Variants in ERAP1 observed in about 807,000 individuals in gnomAD.
The protein encoded by ERAP1 is adipocyte-derived leucine aminopeptidase.
Under a neutral mutation model 103.7 loss-of-function variants are expected in ERAP1, and 86 were observed. The ratio of observed to expected loss-of-function variants is 0.83; its 90% CI spans 0.70 to 0.99. The LOEUF (loss-of-function observed/expected upper bound fraction) is 0.99. Among genes scored for constraint, ERAP1 ranks in the 50% least tolerant of loss-of-function variants. ERAP1 has a pLI of 0.00. For synonymous variants in ERAP1, 398 were observed against 402.4 expected (o/e 0.99, Z 0.13); for missense variants, 1,009 against 1,128.4 (o/e 0.89, Z 1.52).
At chr5:96,769,090 TAGAA>T (rs1771166464) in intron 19 of ERAP1, 1 of 152,222 alleles carries the variant, frequency 6.6e-6, no homozygotes, top group Non-Finnish European at 1.5e-5. Context: ...GTAAATCAAA[TAGAA>T]GGAAACGTGA....
intron 2 of ERAP1, among the ~76,000 whole-genome samples, 170 bp from the exon 3 acceptor site, chr5:96,801,170 T>G (rs1297416547): frequency 2.6e-5 from 4 of 152,226 alleles, no homozygotes; most frequent in Non-Finnish European, 4.4e-5. Context: ...CGAGTTACAC[T>G]GGGCATGGTC....
chr5:96,786,915 A>T (rs973987621), intron 11 of ERAP1, among the ~76,000 whole-genome samples: 1 of 152,218 alleles, frequency 6.6e-6, no homozygotes, highest in Non-Finnish European at 1.5e-5. Context: ...TGTCAATGAT[A>T]TGTAAGCTGA....
In ERAP1 at chr5:96,788,582, T is replaced by C; in HGVS notation, c.1628A>G (p.His543Arg). Residue 543 changes from histidine (H) to arginine (R), a missense_variant, in exon 11 of 19, where the codon CAC becomes CGC. Physicochemically the swap from His to Arg is conservative, Grantham distance 29. Transcript: ENST00000443439. ...CTTCATGTAGTGCTCTTGCTTCATG[T>C]GTACATTCCTCCCCCTCACTGTGAT... ...ITITVRGRNVHMKQEHYMKGS... is the reference protein window; with the variant it reads ...ITITVRGRNVRMKQEHYMKGS... 1 of 1,614,200 alleles carries C rather than the reference T, an allele frequency of 6.2e-7. No homozygotes were observed. The highest frequency in any genetic ancestry group is 8.5e-7 in the Non-Finnish European group (1 of 1,180,030).
chr5:96,784,663 T>C (rs1489348777), intron 13 of ERAP1: 2 of 156,044 alleles, frequency 1.3e-5, no homozygotes, highest in Non-Finnish European at 2.8e-5. Flanking sequence ...AACACTGGAT[T>C]GAGTGGTGAA....
chr5:96,904,520 G>A, the ERAP1 span, among the ~76,000 whole-genome samples: 6,320 of 152,160 alleles, frequency 0.042, 255 homozygotes, highest in East Asian at 0.13. Flanking sequence ...CCTCAGTCCC[G>A]TGGGTCTCAG....
chr5:96,897,552 A>G, the ERAP1 span, among the ~76,000 whole-genome samples: 1 of 146,674 alleles, frequency 6.8e-6, no homozygotes, highest in Non-Finnish European at 1.5e-5. Context: ...TTCTTTTTTT[A>G]ATGTGATAGC....
chr5:96,774,334 A>G (rs1308350291), downstream of ERAP1: 1 of 217,590 alleles, frequency 4.6e-6, no homozygotes, highest in Non-Finnish European at 7.9e-6. Flanking sequence ...TTTATTTAAA[A>G]AGAACTCTGA....
the ERAP1 span, among the ~76,000 whole-genome samples, chr5:96,815,207 TC>T: frequency 6.6e-6 from 1 of 152,202 alleles, no homozygotes; most frequent in Non-Finnish European, 1.5e-5. Flanking sequence ...ATTTGTTTTT[TC>T]CCTTGGTTTT....
chr5:96,779,454 CT>C (rs1469807363), intron 18 of ERAP1: 1 of 152,156 alleles, frequency 6.6e-6, no homozygotes, highest in Non-Finnish European at 1.5e-5. Context: ...TTTTACAAGC[CT>C]GGATGAGGCT....
chr5:96,844,527 G>A, the ERAP1 span, among the ~76,000 whole-genome samples: 216 of 152,282 alleles, frequency 1.4e-3, no homozygotes, highest in African/African-American at 4.0e-3. Context: ...ATGGTCGCTC[G>A]TTAATGAATT....
the ERAP1 span, chr5:96,908,956 T>C: frequency 1.9e-5 from 30 of 1,612,474 alleles, no homozygotes; most frequent in Non-Finnish European, 2.5e-5. Context: ...TGTTTTATAC[T>C]TCAGTGCAGG....
the ERAP1 span, among the ~76,000 whole-genome samples, chr5:96,858,479 G>A: frequency 3.3e-5 from 5 of 152,134 alleles, no homozygotes; most frequent in Non-Finnish European, 5.9e-5. Context: ...TTACAGGTGT[G>A]AGCCACCATG....
In ERAP1 at chr5:96,789,486, C is replaced by CAA. The variant is rs11427097; in HGVS notation, c.1525-803_1525-802dup. On this transcript the variant is annotated intron_variant, in intron 10 of 18. Transcript: ENST00000443439. ...TGGGCAACAGAGTGAGACTCTGTCT[C>CAA]AAAAAAAAAAGAATTAGTAAAAAGA... Among the ~76,000 whole-genome samples the CAA allele has an allele frequency of 3.7e-3, 544 of 147,144 alleles. 9 individuals are homozygous for CAA. Among genetic ancestry groups the CAA allele is most frequent in the South Asian group, 0.023 (108 of 4,682 alleles).
chr5:96,810,085 C>G (rs1029043757), upstream of ERAP1, among the ~76,000 whole-genome samples: 1 of 152,182 alleles, frequency 6.6e-6, no homozygotes, highest in Non-Finnish European at 1.5e-5. Flanking sequence ...CGCTCCACGC[C>G]GTTTCCCCAA....
At chr5:96,778,236 A>G (rs1386037975) in intron 18 of ERAP1, among the ~76,000 whole-genome samples, 1 of 152,222 alleles carries the variant, frequency 6.6e-6, no homozygotes, top group Non-Finnish European at 1.5e-5. Context: ...TGGAGCTTAC[A>G]GTCTTTTGGG....
At chr5:96,800,703 G>A (rs755150898) in intron 3 of ERAP1, among the ~76,000 whole-genome samples, 159 bp downstream of exon 3, 4 of 152,120 alleles carry the variant, frequency 2.6e-5, no homozygotes, top group African/African-American at 7.2e-5. Flanking sequence ...TATAACTATG[G>A]CTTGAAACAA....
chr5:96,784,192 C>T, intron 13 of ERAP1, 112 bp from the exon 14 acceptor site: 1 of 1,190,600 alleles, frequency 8.4e-7, no homozygotes, highest in Admixed American at 1.8e-5. Flanking sequence ...ATATAAATGT[C>T]CCTTATAAAT....
At chr5:96,884,146 CTT>C in the ERAP1 span, among the ~76,000 whole-genome samples, 12 of 151,218 alleles carry the variant, frequency 7.9e-5, no homozygotes, top group Non-Finnish European at 1.2e-4. Context: ...ACACAGGAAG[CTT>C]TTTTTTTCCC....
chr5:96,800,854 A>G lies in ERAP1; in HGVS notation c.663+8T>C, dbSNP rs755782189. On this transcript the variant is annotated splice_region_variant and intron_variant, in intron 3 of 18. Coordinates refer to ENST00000443439, the MANE Select transcript of ERAP1 (RefSeq NM_001040458.3). ...TCCTATAGAAAATACACAGGAGTGCAGACTCACCAATGGCATATTGGAGAT... is the reference window on the plus strand; with the variant it reads ...TCCTATAGAAAATACACAGGAGTGCGGACTCACCAATGGCATATTGGAGAT... 3 of 1,614,104 alleles carry G rather than the reference A, an allele frequency of 1.9e-6. No individual in the cohort carries two copies. The East Asian group carries it at 6.7e-5, about 36-fold the overall frequency.
Sources: allele counts gnomAD v4.1 joint callset (sites outside exome capture counted in the v4.1 genomes callset), GRCh38; gene constraint gnomAD v4.1.1; transcripts MANE v1.5; gene names NCBI Gene and HGNC (gene_info 2026-07-23, HGNC 2026-07-21).